The following MED27 variants were observed in gnomAD, a reference collection of about 807,000 sequenced individuals.
MED27 encodes the protein mediator of RNA polymerase II transcription subunit 27.
Under a neutral mutation model 38.2 loss-of-function variants are expected in MED27, and 30 were observed. The ratio of observed to expected loss-of-function variants is 0.79; its 90% confidence interval spans 0.59 to 1.07. The LOEUF (loss-of-function observed/expected upper bound fraction) is 1.07. Ranked by LOEUF, MED27 falls within the 50% of genes least tolerant of loss-of-function variation. The probability of loss-of-function intolerance (pLI) is 0.00; values close to 1 mark genes in which losing one functional copy is unlikely to be tolerated. For synonymous variants in MED27, 122 were observed against 153.5 expected, an observed-to-expected ratio of 0.79 and a Z score of 1.52; for missense variants, 289 against 397.5, an observed-to-expected ratio of 0.73 and a Z score of 2.32.
chr9:132,031,024 C>G (rs957847510), intron 2 of MED27, among the ~76,000 whole-genome samples: 5 of 152,210 alleles, frequency 3.3e-5, no homozygotes, highest in Non-Finnish European at 5.9e-5. Context: ...TTTTAAAAAG[C>G]AAGCTGAACT....
chr9:131,954,218 A>C (rs1481204647), intron 3 of MED27, among the ~76,000 whole-genome samples: 1 of 152,216 alleles, frequency 6.6e-6, no homozygotes, highest in Non-Finnish European at 1.5e-5. Flanking sequence ...CCACTAAGCA[A>C]GGGCTGCCAG....
At chr9:131,884,602 T>C (rs554188752) in intron 5 of MED27, among the ~76,000 whole-genome samples, 5 of 148,304 alleles carry the variant, frequency 3.4e-5, no homozygotes, top group African/African-American at 1.3e-4. Context: ...TTGATTCTCT[T>C]TACTTTTTTT....
chr9:131,868,135 T>C (rs1378826182), intron 6 of MED27, among the ~76,000 whole-genome samples: 3 of 152,216 alleles, frequency 2.0e-5, no homozygotes, highest in Non-Finnish European at 2.9e-5. Flanking sequence ...TTTTTCCTTA[T>C]TTCTGAAAAG....
intron 2 of MED27, among the ~76,000 whole-genome samples, chr9:132,052,067 G>A (rs1487387310): frequency 3.3e-5 from 5 of 152,170 alleles, no homozygotes; most frequent in African/African-American, 1.2e-4. Flanking sequence ...CGCGAGACAG[G>A]GGTGGGCAGC....
intron 3 of MED27, among the ~76,000 whole-genome samples, chr9:131,996,977 G>C (rs188817987): frequency 2.0e-5 from 3 of 152,304 alleles, no homozygotes; most frequent in Admixed American, 2.0e-4. Context: ...GCTATTAGTA[G>C]TTAAGCTTTT....
At chr9:131,933,905 A>G (rs1830635131) in intron 4 of MED27, among the ~76,000 whole-genome samples, 2 of 152,210 alleles carry the variant, frequency 1.3e-5, no homozygotes, top group South Asian at 2.1e-4. Context: ...TAACCAAAAT[A>G]GCGTGGTACT....
chr9:131,901,920 T>C (rs1829955374), intron 4 of MED27, among the ~76,000 whole-genome samples: 1 of 152,178 alleles, frequency 6.6e-6, no homozygotes, highest in Non-Finnish European at 1.5e-5. Flanking sequence ...TTTGAAAGAT[T>C]TGAGTCGAAG....
intron 2 of MED27, among the ~76,000 whole-genome samples, chr9:132,062,091 A>G (rs555183860): frequency 7.2e-5 from 11 of 152,300 alleles, no homozygotes; most frequent in African/African-American, 2.6e-4. Flanking sequence ...CTATGCTCCT[A>G]CCTCCTCTCA....
chr9:132,064,913 A>C (rs1833776454), intron 2 of MED27, among the ~76,000 whole-genome samples: 1 of 152,210 alleles, frequency 6.6e-6, no homozygotes, highest in African/African-American at 2.4e-5. Context: ...GACAAGCAGT[A>C]GGGCCAGAAA....
chr9:132,005,710 C>T (rs1361523350), intron 3 of MED27, among the ~76,000 whole-genome samples: 6 of 152,152 alleles, frequency 3.9e-5, no homozygotes, highest in East Asian at 1.9e-4. Flanking sequence ...TATTCACACT[C>T]GGGACATGGA....
chr9:131,868,104 C>T (rs538986368), intron 6 of MED27, among the ~76,000 whole-genome samples: 19 of 152,262 alleles, frequency 1.2e-4, no homozygotes, highest in African/African-American at 3.4e-4. Context: ...GTTTTCACAA[C>T]GGGTGCTTGT....
chr9:131,983,939 C>T (rs1357270212), intron 3 of MED27, among the ~76,000 whole-genome samples: 1 of 152,194 alleles, frequency 6.6e-6, no homozygotes, highest in Non-Finnish European at 1.5e-5. Context: ...CCTCATGCAG[C>T]TCCAACTGAT....
chr9:131,968,981 C>T (rs1455985340), intron 3 of MED27, among the ~76,000 whole-genome samples: 2 of 152,192 alleles, frequency 1.3e-5, no homozygotes, highest in Non-Finnish European at 2.9e-5. Flanking sequence ...GCCTGATGAT[C>T]TGTCACTGCC....
chr9:131,961,355 G>A (rs546538411), intron 3 of MED27, among the ~76,000 whole-genome samples: 33 of 152,296 alleles, frequency 2.2e-4, no homozygotes, highest in Admixed American at 2.1e-3. Context: ...ACACAGAACA[G>A]GATTTTTTCC....
chr9:131,924,978 T>C (rs960968253), intron 4 of MED27, among the ~76,000 whole-genome samples: 16 of 152,186 alleles, frequency 1.1e-4, no homozygotes, highest in African/African-American at 3.9e-4. Context: ...TCTTTGCTTG[T>C]TTATTTATTT....
rs1347158043 is a variant in MED27, at chr9:131,950,490, G to A, written c.480-11016C>T. ...ACTGCTTCCAGTTACTCAGTTTGCC[G>A]CACACGTGTAGAACCATTATTTCAT... is the stretch of plus-strand genomic sequence containing the variant. On this transcript the variant is annotated intron_variant, in intron 3 of 7. Coordinates refer to ENST00000292035, the MANE Select transcript of MED27 (RefSeq NM_004269.4). Among the ~76,000 whole-genome samples, 4 of 152,180 alleles carry A rather than the reference G, an allele frequency of 2.6e-5. No individual in the cohort carries two copies. The East Asian group carries it at 7.7e-4, about 29-fold the overall frequency.
intron 2 of MED27, among the ~76,000 whole-genome samples, chr9:132,048,636 TA>T (rs1046544571): frequency 1.8e-4 from 28 of 152,290 alleles, no homozygotes; most frequent in African/African-American, 6.5e-4. Context: ...GCCCCATGCT[TA>T]ACATGAAAGG....
intron 2 of MED27, among the ~76,000 whole-genome samples, chr9:132,033,365 C>T (rs1833005012): frequency 6.6e-6 from 1 of 152,216 alleles, no homozygotes. Flanking sequence ...ACTTACACTC[C>T]ATACTGGGCT....
chr9:132,026,336 T>C (rs1656437034), intron 2 of MED27, among the ~76,000 whole-genome samples: 1 of 152,196 alleles, frequency 6.6e-6, no homozygotes, highest in South Asian at 2.1e-4. Flanking sequence ...ACCCAATAAG[T>C]AGGCTGCCTT....
Sources: allele counts gnomAD v4.1 joint callset (sites outside exome capture counted in the v4.1 genomes callset), GRCh38; gene constraint gnomAD v4.1.1; transcripts MANE v1.5; gene names NCBI Gene and HGNC (gene_info 2026-07-23, HGNC 2026-07-21).